The following SWT1 variants were observed in gnomAD, a reference collection of about 807,000 sequenced individuals.
SWT1 encodes transcriptional protein SWT1.
Under a neutral mutation model 107.3 loss-of-function variants are expected in SWT1, and 33 were observed. The observed-to-expected ratio is 0.31, with a 90% confidence interval of 0.23 to 0.41. The LOEUF is 0.41. Among genes scored for constraint, SWT1 ranks in the 10% least tolerant of loss-of-function variants. The pLI, the probability that SWT1 is intolerant of heterozygous loss-of-function variation, is 1.00. For synonymous variants in SWT1, 345 were observed against 348.3 expected (o/e 0.99, Z 0.11); for missense variants, 898 against 1,028.9 (o/e 0.87, Z 1.74).
At chr1:185,202,611 T>C in intron 10 of SWT1, 43 bp from the exon 11 acceptor site, 1 of 1,573,102 alleles carries the variant, frequency 6.4e-7, no homozygotes, top group Non-Finnish European at 8.7e-7. Context: ...GTTTACCTTA[T>C]AAAAAATATT....
intron 7 of SWT1, among the ~76,000 whole-genome samples, chr1:185,182,482 G>A (rs1260300773): frequency 6.6e-6 from 1 of 151,900 alleles, no homozygotes. Context: ...AGCCTGGGCA[G>A]CATAGTGAGA....
At chr1:185,197,892 C>A (rs1227393398) in intron 10 of SWT1, among the ~76,000 whole-genome samples, 2 of 152,084 alleles carry the variant, frequency 1.3e-5, no homozygotes, top group African/African-American at 4.8e-5. Context: ...AAACCAGCTC[C>A]TGGATTCATT....
intron 18 of SWT1, among the ~76,000 whole-genome samples, chr1:185,279,710 GT>G (rs1284680643): frequency 6.7e-6 from 1 of 150,330 alleles, no homozygotes; most frequent in Non-Finnish European, 1.5e-5. Flanking sequence ...AAGAGAGAGG[GT>G]TTTTTGGTTT....
intron 2 of SWT1, among the ~76,000 whole-genome samples, chr1:185,162,233 T>A (rs1654211978): frequency 6.6e-6 from 1 of 152,222 alleles, no homozygotes; most frequent in Admixed American, 6.5e-5. Flanking sequence ...AAAGGTTTAG[T>A]CAGACTTTTT....
Position 185,266,799 on chromosome 1 carries a change from G to T in SWT1, c.2442-4524G>T, listed in dbSNP as rs186630950. 6.5e-4 allele frequency among the ~76,000 whole-genome samples: 99 copies of T among 152,168 alleles called. No individual in the cohort carries two copies. In the Middle Eastern group the frequency reaches 0.014, roughly 21 times the overall value. On this transcript the variant is annotated intron_variant, in intron 16 of 18. Transcript: ENST00000367500. Reference sequence around the variant, plus strand: ...AATAGAATACTGAGAGTGCCTATGTGACTGAGTCAGGGCCGCTAGTGAGTG... The same window carrying T: ...AATAGAATACTGAGAGTGCCTATGTTACTGAGTCAGGGCCGCTAGTGAGTG...
rs576585026 is a variant in SWT1 at position 185,269,992 on chromosome 1, AGAT to A, written c.2442-1315_2442-1313del. ...TTATAAGTCAAAGAGCATCTTTATT[AGAT>A]GATGATGATGATGATAGTTGTTACT... On this transcript the variant is annotated intron_variant, in intron 16 of 18. Coordinates refer to ENST00000367500, the MANE Select transcript of SWT1 (RefSeq NM_017673.7). Among the ~76,000 whole-genome samples the A allele has an allele frequency of 5.8e-4, 88 of 152,302 alleles. No homozygotes were observed. In the Middle Eastern group the frequency reaches 0.014, roughly 24 times the overall value.
chr1:185,274,232 T>G (rs1208328706), intron 17 of SWT1, among the ~76,000 whole-genome samples: 1 of 147,860 alleles, frequency 6.8e-6, no homozygotes, highest in Non-Finnish European at 1.5e-5. Flanking sequence ...GATCTAAGAA[T>G]CATATGTTGT....
chr1:185,237,816 A>G (rs1163172332), intron 16 of SWT1, among the ~76,000 whole-genome samples: 1 of 152,152 alleles, frequency 6.6e-6, no homozygotes, highest in Admixed American at 6.5e-5. Context: ...ATGTGGGTGG[A>G]ACCAGGGTTA....
intron 2 of SWT1, among the ~76,000 whole-genome samples, chr1:185,164,434 A>G (rs750382757): frequency 2.0e-5 from 3 of 152,230 alleles, no homozygotes; most frequent in Non-Finnish European, 2.9e-5. Context: ...ACATCTCTCT[A>G]GCTATGAAAG....
chr1:185,202,593 G>T, intron 10 of SWT1, 61 bp from the exon 11 acceptor site: 1 of 1,431,688 alleles, frequency 7.0e-7, no homozygotes, highest in South Asian at 1.2e-5. Context: ...GTTTTGATTT[G>T]CCATGTGGTT....
chr1:185,201,306 A>G (rs1420891397), intron 10 of SWT1, among the ~76,000 whole-genome samples: 5 of 151,864 alleles, frequency 3.3e-5, no homozygotes, highest in Non-Finnish European at 7.4e-5. Context: ...TATGAAAAAA[A>G]CCTCCTGCAG....
At chr1:185,193,764 C>T (rs563258423) in intron 10 of SWT1, among the ~76,000 whole-genome samples, 2 of 152,330 alleles carry the variant, frequency 1.3e-5, no homozygotes, top group South Asian at 2.1e-4. Flanking sequence ...CTTGCCAAGG[C>T]TGGTTGCCTA....
At chr1:185,260,322 C>T (rs1387309080) in intron 16 of SWT1, among the ~76,000 whole-genome samples, 1 of 152,026 alleles carries the variant, frequency 6.6e-6, no homozygotes, top group Non-Finnish European at 1.5e-5. Context: ...AGTACTCATG[C>T]TTTTCTTTTA....
At chr1:185,227,611 G>C in intron 15 of SWT1, 1 of 518,964 alleles carries the variant, frequency 1.9e-6, no homozygotes, top group South Asian at 1.6e-5. Flanking sequence ...TCCAAGTATA[G>C]TAATCATTTT....
Position 185,290,740 on chromosome 1 carries a change from A to G in SWT1, c.2640A>G (p.Ala880=). 2.5e-6 allele frequency: 4 copies of G among 1,611,736 alleles called. No individual in the cohort carries two copies. Among genetic ancestry groups the G allele is most frequent in the Non-Finnish European group, 3.4e-6 (4 of 1,178,366 alleles). ...AATATACCATGCAGCAGTGCAATGC[A>G]TCTGTTTATATGGAGGCCAAAAACA... ...EMEYTMQQCN[A]SVYMEAKNRG... The change falls in exon 19 of 19, where the codon GCA becomes GCG. Residue 880 remains alanine (A), a synonymous_variant. Coordinates refer to ENST00000367500, the MANE Select transcript of SWT1 (RefSeq NM_017673.7).
intron 13 of SWT1, among the ~76,000 whole-genome samples, chr1:185,210,700 A>AATACTCTTGTCTCTT (rs1658722224): frequency 6.6e-6 from 1 of 152,152 alleles, no homozygotes; most frequent in Non-Finnish European, 1.5e-5. Flanking sequence ...TGGCCCGGGC[A>AATACTCTTGTCTCTT]CTCAGACAAG....
At position 185,203,240 on chromosome 1, in the gene SWT1, C is replaced by CCTT. The variant is rs138450414; in HGVS notation, c.1669+443_1669+444insTCT. ...TTTTAAGTTGGCTTTCTATTTATAA[C>CCTT]CTATTAATATGATAAAAACTCAGCT... On this transcript the variant is annotated intron_variant, in intron 11 of 18. Coordinates refer to ENST00000367500, the MANE Select transcript of SWT1 (RefSeq NM_017673.7). Among the ~76,000 whole-genome samples, 902 of 151,986 alleles carry CCTT rather than the reference C, an allele frequency of 5.9e-3. 34 individuals are homozygous for CCTT. In the East Asian group the frequency reaches 0.096, roughly 16 times the overall value.
chr1:185,180,367 C>T, intron 5 of SWT1, 24 bp from the exon 6 acceptor site: 1 of 1,579,872 alleles, frequency 6.3e-7, no homozygotes, highest in Non-Finnish European at 8.7e-7. Flanking sequence ...TTATTCTTAG[C>T]TAATGAAATT....
chr1:185,159,222 C>A (rs1286534831), intron 1 of SWT1, among the ~76,000 whole-genome samples: 2 of 152,166 alleles, frequency 1.3e-5, no homozygotes, highest in Non-Finnish European at 2.9e-5. Flanking sequence ...ACATTAAGTG[C>A]ATGATTACCA....
Sources: gnomAD v4.1 joint callset for allele counts (sites outside exome capture counted in the v4.1 genomes callset) on GRCh38, gnomAD v4.1.1 for gene constraint, MANE v1.5 for transcripts, NCBI Gene and HGNC (gene_info 2026-07-23, HGNC 2026-07-21) for gene names.